Variants in SH2D1B observed in about 807,000 individuals in gnomAD.
The protein encoded by SH2D1B is SH2 domain-containing protein 1B.
SH2D1B carries 11 observed loss-of-function variants against 16.3 expected under a neutral mutation model. That is an observed-to-expected ratio of 0.67 (90% CI 0.42 to 1.11). The LOEUF (loss-of-function observed/expected upper bound fraction) is 1.11. SH2D1B is among the 50% of genes most tolerant of loss of function. The pLI is 0.00. For synonymous variants in SH2D1B, 55 were observed against 56.1 expected, an observed-to-expected ratio of 0.98 and a Z score of 0.09; for missense variants, 123 against 153.1, an observed-to-expected ratio of 0.80 and a Z score of 1.04.
At chr1:162,405,378 A>G (rs986394749) in intron 1 of SH2D1B, among the ~76,000 whole-genome samples, 3 of 152,258 alleles carry the variant, frequency 2.0e-5, no homozygotes, top group Non-Finnish European at 2.9e-5. Flanking sequence ...GTACATACAT[A>G]TGTCAAAATC....
intron 1 of SH2D1B, among the ~76,000 whole-genome samples, chr1:162,406,794 T>G (rs1319977988): frequency 6.6e-6 from 1 of 152,206 alleles, no homozygotes; most frequent in Admixed American, 6.5e-5. Context: ...GGCTCAGGTC[T>G]TCCTCACCTG....
intron 2 of SH2D1B, among the ~76,000 whole-genome samples, chr1:162,400,457 A>ATTTTTTTT (rs34822047): frequency 1.4e-4 from 16 of 110,830 alleles, no homozygotes; most frequent in Non-Finnish European, 2.1e-4. Context: ...TACCTGGCTA[A>ATTTTTTTT]TTTTTTTTTT....
intron 2 of SH2D1B, among the ~76,000 whole-genome samples, chr1:162,400,286 C>CTTTTTTT (rs1241054289): frequency 1.3e-4 from 11 of 83,284 alleles, no homozygotes; most frequent in East Asian, 4.0e-4. Flanking sequence ...ACACCACGTA[C>CTTTTTTT]TTTTTTTTTT....
At position 162,396,164 on chromosome 1, in the gene SH2D1B, G is replaced by A. The variant is rs747136935; in HGVS notation, c.*1116C>T. On this transcript the variant is annotated 3_prime_UTR_variant, in exon 4 of 4. Coordinates refer to ENST00000367929, the MANE Select transcript of SH2D1B (RefSeq NM_053282.5). ...CATCTGTTCATATTACCTCTAAGTC[G>A]AGAGCTCCTCTCTTTTAAAACTCTG... 15 of 152,186 alleles carry A rather than the reference G, an allele frequency of 9.9e-5. No homozygotes were observed. The highest frequency in any genetic ancestry group is 3.1e-4 in the African/African-American group (13 of 41,440). 9.4% of individuals were successfully genotyped at this position (152,186 alleles called of 1,614,324 possible).
At chr1:162,397,336 CAGA>C (rs768330959) in intron 3 of SH2D1B, 21 bp from the exon 4 acceptor site, 6 of 1,612,900 alleles carry the variant, frequency 3.7e-6, no homozygotes, top group East Asian at 4.5e-5. Context: ...AAAAAAAAAG[CAGA>C]AGACCAGCCA....
chr1:162,406,798 T>G (rs1420240367), intron 1 of SH2D1B, among the ~76,000 whole-genome samples: 1 of 152,218 alleles, frequency 6.6e-6, no homozygotes, highest in Non-Finnish European at 1.5e-5. Flanking sequence ...CAGGTCTTCC[T>G]CACCTGCAGC....
Position 162,397,097 on chromosome 1 carries a change from T to G in SH2D1B, c.*183A>C. ...TTTGAAATTGCTCCTGGTATATGTC[T>G]GGGAGGCGGGGATGTGGAGAGTGAC... On this transcript the variant is annotated 3_prime_UTR_variant, in exon 4 of 4. Transcript: ENST00000367929. 1.6e-6 allele frequency: 1 copy of G among 606,972 alleles called. No homozygotes were observed. Among genetic ancestry groups the G allele is most frequent in the Non-Finnish European group, 2.9e-6 (1 of 341,164 alleles). The allele number at this position is 606,972 out of a possible 1,614,324, so 37.6% of individuals were successfully genotyped here. A position where few individuals can be genotyped will look rare whatever the true frequency, so the allele number is the denominator to read the frequency against.
At chr1:162,406,833 C>G (rs923963356) in intron 1 of SH2D1B, among the ~76,000 whole-genome samples, 1 of 152,198 alleles carries the variant, frequency 6.6e-6, no homozygotes, top group African/African-American at 2.4e-5. Context: ...GCAAAGTCCT[C>G]CTTTTCTTCA....
At chr1:162,404,139 C>G (rs967501501) in intron 1 of SH2D1B, among the ~76,000 whole-genome samples, 1 of 152,108 alleles carries the variant, frequency 6.6e-6, no homozygotes, top group Admixed American at 6.5e-5. Context: ...AATTCAAGAC[C>G]AGCCTGGCCA....
intron 1 of SH2D1B, among the ~76,000 whole-genome samples, chr1:162,403,511 A>AAAAATAT (rs1648579325): frequency 2.4e-5 from 1 of 42,042 alleles, no homozygotes; most frequent in African/African-American, 1.1e-4. Context: ...AAAAAAAAAA[A>AAAAATAT]ATATATATAT....
At chr1:162,400,348 G>A (rs1294810398) in intron 2 of SH2D1B, among the ~76,000 whole-genome samples, 2 of 140,280 alleles carry the variant, frequency 1.4e-5, no homozygotes, top group Non-Finnish European at 3.0e-5. Flanking sequence ...CTGGAGTGCA[G>A]TGGTGTGATC....
chr1:162,405,542 A>G (rs1648634380), intron 1 of SH2D1B, among the ~76,000 whole-genome samples: 3 of 152,266 alleles, frequency 2.0e-5, no homozygotes, highest in East Asian at 3.9e-4. Flanking sequence ...TGCTGTTTTC[A>G]TGATTGGTTT....
At position 162,411,960 on chromosome 1, in the gene SH2D1B, C is replaced by T; in HGVS notation, c.57G>A (p.Leu19=). The change falls in exon 1 of 4, where the codon CTG becomes CTA. Residue 19 remains leucine (L), a synonymous_variant. Coordinates refer to ENST00000367929, the MANE Select transcript of SH2D1B (RefSeq NM_053282.5). The part of the protein sequence containing the change: ...RLTKQDCETL[L]LKEGVDGNFL... Reference sequence around the variant, plus strand: ...AGTTGCCATCCACCCCTTCCTTGAGCAGCAAGGTCTCACAGTCTTGCTTGG... The same window carrying T: ...AGTTGCCATCCACCCCTTCCTTGAGTAGCAAGGTCTCACAGTCTTGCTTGG... 1 of 1,614,140 alleles carries T rather than the reference C, an allele frequency of 6.2e-7. No individual in the cohort carries two copies. Among genetic ancestry groups the T allele is most frequent in the Non-Finnish European group, 8.5e-7 (1 of 1,180,004 alleles).
intron 2 of SH2D1B, among the ~76,000 whole-genome samples, chr1:162,400,653 A>C (rs1002955707): frequency 5.9e-5 from 9 of 151,874 alleles, no homozygotes; most frequent in African/African-American, 1.9e-4. Context: ...TTTTAAAATG[A>C]AAAGAATTTT....
At chr1:162,411,601 T>C (rs1648796926) in intron 1 of SH2D1B, among the ~76,000 whole-genome samples, 1 of 152,168 alleles carries the variant, frequency 6.6e-6, no homozygotes, top group Non-Finnish European at 1.5e-5. Context: ...TTTCCATCCC[T>C]CTGTACCCCT....
At position 162,399,799 on chromosome 1, in the gene SH2D1B, G is replaced by A. The variant is rs542930653; in HGVS notation, c.199-712C>T. ...CTGCATTAGTTTGCTAAACATAATG[G>A]CCTCCAGCTCCATCCATGTCCCTGC... On this transcript the variant is annotated intron_variant, in intron 2 of 3. Transcript: ENST00000367929. Among the ~76,000 whole-genome samples the A allele has an allele frequency of 8.5e-5, 13 of 152,236 alleles. No homozygotes were observed. The East Asian group carries it at 2.5e-3, about 29-fold the overall frequency.
chr1:162,407,348 C>T (rs1648676244), intron 1 of SH2D1B, among the ~76,000 whole-genome samples: 1 of 152,160 alleles, frequency 6.6e-6, no homozygotes, highest in African/African-American at 2.4e-5. Context: ...CCTCAGGTCC[C>T]CTGCTTGGGC....
intron 1 of SH2D1B, among the ~76,000 whole-genome samples, chr1:162,403,417 A>C (rs1489702690): frequency 7.1e-6 from 1 of 140,328 alleles, no homozygotes; most frequent in South Asian, 2.4e-4. Flanking sequence ...TGAACCCAGG[A>C]GGCGGAGGTT....
chr1:162,403,020 T>G (rs558820203), intron 1 of SH2D1B, among the ~76,000 whole-genome samples: 1 of 152,036 alleles, frequency 6.6e-6, no homozygotes, highest in Admixed American at 6.5e-5. Flanking sequence ...GCGATTCTCC[T>G]GCCTCAGCCT....
Sources: allele counts gnomAD v4.1 joint callset (sites outside exome capture counted in the v4.1 genomes callset), GRCh38; gene constraint gnomAD v4.1.1; transcripts MANE v1.5; gene names NCBI Gene and HGNC (gene_info 2026-07-23, HGNC 2026-07-21).